PDE4D: variants seen among roughly 807,000 people sequenced by gnomAD.
PDE4D encodes phosphodiesterase 4D, also known as 3',5'-cyclic-AMP phosphodiesterase 4D.
Under a neutral mutation model 87.4 loss-of-function variants are expected in PDE4D, and 24 were observed. The observed-to-expected ratio is 0.27, with a 90% confidence interval of 0.20 to 0.39. PDE4D has a LOEUF of 0.39. Ranked by LOEUF, PDE4D falls within the 10% of genes least tolerant of loss-of-function variation. The pLI is 1.00. For synonymous variants in PDE4D, 384 were observed against 383.2 expected (o/e 1.00, Z -0.02); for missense variants, 714 against 1,041.0 (o/e 0.69, Z 4.32).
chr5:59,765,935 T>C (rs1016496344), intron 1 of PDE4D, among the ~76,000 whole-genome samples: 2 of 152,144 alleles, frequency 1.3e-5, no homozygotes, highest in Non-Finnish European at 2.9e-5. Flanking sequence ...TTGTAATAAT[T>C]AGGTACAGAA....
chr5:60,283,020 A>G (rs1232763176), intron 1 of PDE4D, among the ~76,000 whole-genome samples: 1 of 152,052 alleles, frequency 6.6e-6, no homozygotes, highest in African/African-American at 2.4e-5. Flanking sequence ...TAAAATGTTG[A>G]TGCAGTTATT....
intron 1 of PDE4D, among the ~76,000 whole-genome samples, chr5:59,303,091 C>T (rs171729): frequency 2.6e-5 from 4 of 151,932 alleles, no homozygotes; most frequent in Admixed American, 2.0e-4. Context: ...TGCAGAAGTA[C>T]GGTGGTATCA....
rs73758822 is a variant in PDE4D, at chr5:59,607,564, G to C, written c.455+285604C>G. ...AAACCAGCATGCCAAGGAGGAGAGC[G>C]GAAAAGAGCAGAGAAATGCAAACAC... On this transcript the variant is annotated intron_variant, in intron 1 of 14. Transcript: ENST00000340635. Among the ~76,000 whole-genome samples the C allele has an allele frequency of 9.9e-3, 1,510 of 152,120 alleles. 24 individuals carry two copies. The highest frequency in any genetic ancestry group is 0.033 in the African/African-American group (1,359 of 41,518).
chr5:59,971,202 TGTTGTGGGGTGGGGGGAGGGGGGAGG>T (rs1403028685), intron 3 of PDE4D, among the ~76,000 whole-genome samples: 1 of 99,484 alleles, frequency 1.0e-5, no homozygotes, highest in Non-Finnish European at 1.9e-5. Context: ...CTCTGGGGAC[TGTTGTGGGGTGGGGGGAGGGGGGAGG>T]GATAGCTTTG....
chr5:59,545,360 AT>A (rs1278455334), intron 1 of PDE4D, among the ~76,000 whole-genome samples: 4 of 152,066 alleles, frequency 2.6e-5, no homozygotes, highest in Admixed American at 6.6e-5. Flanking sequence ...AAAAAAAAAA[AT>A]GTTGCAGTTT....
In PDE4D at chr5:59,053,655, G is replaced by GTTTT. The variant is rs1367942598; in HGVS notation, c.809-14685_809-14684insAAAA. Among the ~76,000 whole-genome samples, 45 of 74,900 alleles carry GTTTT rather than the reference G, an allele frequency of 6.0e-4. 1 individual carries two copies. The highest frequency in any genetic ancestry group is 1.7e-3 in the African/African-American group (31 of 18,450). 49.1% of individuals were successfully genotyped at this position (74,900 alleles called of 152,430 possible). On this transcript the variant is annotated intron_variant, in intron 5 of 14. Transcript: ENST00000340635. ...GTTGTTTTGTTTTTTGTTTTTTTTT[G>GTTTT]TTGTTGTTTTTTTTTTTTGGCCAGG...
intron 1 of PDE4D, among the ~76,000 whole-genome samples, chr5:59,488,017 A>G (rs1805456767): frequency 6.6e-6 from 1 of 151,834 alleles, no homozygotes; most frequent in African/African-American, 2.4e-5. Context: ...GAGACACCAC[A>G]CTCACACCCC....
chr5:59,617,700 G>A (rs142433720), intron 1 of PDE4D, among the ~76,000 whole-genome samples: 13 of 152,324 alleles, frequency 8.5e-5, no homozygotes, highest in African/African-American at 3.1e-4. Context: ...AACTGGAACA[G>A]TTCCTTCCCT....
rs549196739 is a variant in PDE4D at position 59,757,498 on chromosome 5, C to T, written c.455+135670G>A. On this transcript the variant is annotated intron_variant, in intron 1 of 14. Coordinates refer to ENST00000340635, the MANE Select transcript of PDE4D (RefSeq NM_001104631.2). ...GACTATTCTATAATGTGGAATTTGG[C>T]ATGAAGGCTGGCAAAGTGGAAATGG... is the stretch of plus-strand genomic sequence containing the variant. 4.6e-5 allele frequency among the ~76,000 whole-genome samples: 7 copies of T among 152,182 alleles called. No homozygotes were observed. The South Asian group carries it at 1.5e-3, about 32-fold the overall frequency.
chr5:60,285,377 GA>G (rs1752321212), intron 1 of PDE4D, among the ~76,000 whole-genome samples: 1 of 151,816 alleles, frequency 6.6e-6, no homozygotes, highest in Non-Finnish European at 1.5e-5. Flanking sequence ...GCACTCTGCT[GA>G]AAAATATGTA....
intron 1 of PDE4D, among the ~76,000 whole-genome samples, chr5:59,883,892 T>A (rs1203206808): frequency 6.6e-6 from 1 of 152,170 alleles, no homozygotes; most frequent in Admixed American, 6.5e-5. Flanking sequence ...TGTTTATCTT[T>A]TACTAAATTT....
chr5:59,289,835 G>C (rs895329223), intron 1 of PDE4D, among the ~76,000 whole-genome samples: 1 of 151,852 alleles, frequency 6.6e-6, no homozygotes, highest in African/African-American at 2.4e-5. Flanking sequence ...CAAAGTTGTA[G>C]GATACAAAAC....
rs1240339585 is a variant in PDE4D at position 60,239,596 on chromosome 5, C to A, written c.-89-53909G>T. ...AGTATATCTTTCTATTTATCATCTT[C>A]TTTGTGTCTTACCTTAAAATTTTGT... On this transcript the variant is annotated intron_variant, in intron 1 of 16. Coordinates refer to the PDE4D transcript ENST00000502484. Among the ~76,000 whole-genome samples, 9 of 152,182 alleles carry A rather than the reference C, an allele frequency of 5.9e-5. No homozygotes were observed. The South Asian group carries it at 1.9e-3, about 31-fold the overall frequency.
intron 1 of PDE4D, among the ~76,000 whole-genome samples, chr5:59,799,529 G>T (rs1158650775): frequency 6.6e-6 from 1 of 152,150 alleles, no homozygotes; most frequent in African/African-American, 2.4e-5. Flanking sequence ...TTATGGTTTT[G>T]GAAGAATCAG....
At chr5:60,393,830 A>G (rs1015353945) in intron 1 of PDE4D, among the ~76,000 whole-genome samples, 1 of 152,208 alleles carries the variant, frequency 6.6e-6, no homozygotes, top group Non-Finnish European at 1.5e-5. Flanking sequence ...GCCAACATAC[A>G]ATAGATTCTG....
chr5:59,418,092 C>T (rs999276506), intron 1 of PDE4D, among the ~76,000 whole-genome samples: 1 of 152,046 alleles, frequency 6.6e-6, no homozygotes, highest in African/African-American at 2.4e-5. Context: ...GCTATAAGTC[C>T]CCTCATTAGT....
chr5:59,282,833 T>C (rs2153549045), intron 1 of PDE4D, among the ~76,000 whole-genome samples: 1 of 152,226 alleles, frequency 6.6e-6, no homozygotes, highest in Non-Finnish European at 1.5e-5. Context: ...CTTGTACATA[T>C]TAAAAATGCC....
intron 1 of PDE4D, among the ~76,000 whole-genome samples, chr5:60,321,304 T>A (rs1030666361): frequency 2.6e-5 from 4 of 152,306 alleles, no homozygotes; most frequent in South Asian, 4.1e-4. Flanking sequence ...GGGAAAGGAT[T>A]CCCTGTTCAA....
chr5:59,031,406 A>AT (rs1283983394), intron 6 of PDE4D, among the ~76,000 whole-genome samples: 12 of 101,000 alleles, frequency 1.2e-4, no homozygotes, highest in African/African-American at 4.3e-4. Flanking sequence ...ATATATATAT[A>AT]TATATATATA....
Sources: allele counts gnomAD v4.1 joint callset (sites outside exome capture counted in the v4.1 genomes callset), GRCh38; gene constraint gnomAD v4.1.1; transcripts MANE v1.5; gene names NCBI Gene and HGNC (gene_info 2026-07-23, HGNC 2026-07-21).